Variants in TMEM132E observed in about 807,000 individuals in gnomAD.
TMEM132E encodes transmembrane protein 132E.
TMEM132E carries 49 observed loss-of-function variants against 78.5 expected under a neutral mutation model. The observed-to-expected ratio is 0.62, with a 90% confidence interval of 0.50 to 0.79. The LOEUF is 0.79. Among genes scored for constraint, TMEM132E ranks in the 30% least tolerant of loss-of-function variants. The probability of loss-of-function intolerance (pLI) is 0.00; values close to 1 mark genes in which losing one functional copy is unlikely to be tolerated. For missense variants in TMEM132E, 1,403 were observed against 1,470.9 expected, an observed-to-expected ratio of 0.95 and a Z score of 0.75; for synonymous variants, 715 against 670.6, an observed-to-expected ratio of 1.07 and a Z score of -1.02.
At chr17:34,596,926 C>T (rs543269312) in intron 1 of TMEM132E, among the ~76,000 whole-genome samples, 3 of 151,684 alleles carry the variant, frequency 2.0e-5, no homozygotes, top group Admixed American at 6.6e-5. Context: ...ACCGGAATCT[C>T]GATGGCTCTC....
intron 1 of TMEM132E, among the ~76,000 whole-genome samples, chr17:34,607,613 C>A (rs1399379647): frequency 2.0e-5 from 3 of 152,222 alleles, no homozygotes; most frequent in Admixed American, 6.5e-5. Flanking sequence ...CACAAGACTG[C>A]TACCCATTTC....
intron 1 of TMEM132E, among the ~76,000 whole-genome samples, chr17:34,613,217 G>GCGCGCA (rs1906666136): frequency 2.9e-5 from 4 of 136,894 alleles, no homozygotes; most frequent in East Asian, 2.2e-4. Context: ...ACACACGCGC[G>GCGCGCA]CGCGCGCGCG....
At chr17:34,594,454 A>G (rs780592459) in intron 1 of TMEM132E, among the ~76,000 whole-genome samples, 12 of 152,196 alleles carry the variant, frequency 7.9e-5, no homozygotes, top group Non-Finnish European at 1.5e-4. Flanking sequence ...CTCCGTTTCC[A>G]CGTTTATAAA....
At chr17:34,612,481 T>G (rs1446036726) in intron 1 of TMEM132E, among the ~76,000 whole-genome samples, 1 of 152,094 alleles carries the variant, frequency 6.6e-6, no homozygotes, top group Non-Finnish European at 1.5e-5. Flanking sequence ...CACTCAGAGG[T>G]AGGAGTGTGA....
chr17:34,581,050 C>T lies in TMEM132E; in HGVS notation c.-27C>T. ...AAGTCGTCGTCGACTGTTGCTCTCT[C>T]GGACCCCTCCCGCCCCCGCCTCGGC... On this transcript the variant is annotated 5_prime_UTR_variant, in exon 1 of 9. Coordinates refer to ENST00000631683, the MANE Select transcript of TMEM132E (RefSeq NM_001304438.2). 1 of 1,534,098 alleles carries T rather than the reference C, an allele frequency of 6.5e-7. No individual in the cohort carries two copies. Among genetic ancestry groups the T allele is most frequent in the Non-Finnish European group, 8.7e-7 (1 of 1,145,920 alleles).
chr17:34,613,195 ACC>A (rs1188311784), intron 1 of TMEM132E, among the ~76,000 whole-genome samples: 7,188 of 114,664 alleles, frequency 0.063, 278 homozygotes, highest in East Asian at 0.11. Context: ...ACACACACAC[ACC>A]CACACACACA....
At position 34,637,290 on chromosome 17, in the gene TMEM132E, C is replaced by T; in HGVS notation, c.2283C>T (p.Ala761=). 4 of 1,614,164 alleles carry T rather than the reference C, an allele frequency of 2.5e-6. No individual in the cohort carries two copies. Among genetic ancestry groups the T allele is most frequent in the South Asian group, 1.1e-5 (1 of 91,082 alleles). Residue 761 remains alanine (A), a synonymous_variant, in exon 9 of 9, where the codon GCC becomes GCT. Coordinates refer to ENST00000631683, the MANE Select transcript of TMEM132E (RefSeq NM_001304438.2). ...TGAGCAGCCTGGATGAGCATGTGGC[C>T]ACTGTGACCCAGGACCGGGCCTTCC... ...LLVSSLDEHV[A]TVTQDRAFPL...
chr17:34,630,489 G>T (rs1907317669), intron 5 of TMEM132E, among the ~76,000 whole-genome samples: 1 of 152,182 alleles, frequency 6.6e-6, no homozygotes, highest in South Asian at 2.1e-4. Context: ...TCAGGCCAGA[G>T]GGGGAGAAAG....
At chr17:34,614,746 G>A (rs1246651375) in intron 1 of TMEM132E, 1 of 152,404 alleles carries the variant, frequency 6.6e-6, no homozygotes, top group African/African-American at 2.4e-5. Flanking sequence ...CTTGCCTTGG[G>A]ACCCCTCCAG....
chr17:34,592,185 C>T (rs1201042661), intron 1 of TMEM132E, among the ~76,000 whole-genome samples: 1 of 152,154 alleles, frequency 6.6e-6, no homozygotes, highest in South Asian at 2.1e-4. Flanking sequence ...CAGCAGTGGC[C>T]AGCTGCTGGC....
At chr17:34,610,489 G>A (rs1306624896) in intron 1 of TMEM132E, among the ~76,000 whole-genome samples, 1 of 152,214 alleles carries the variant, frequency 6.6e-6, no homozygotes, top group Non-Finnish European at 1.5e-5. Flanking sequence ...AATGACAGAT[G>A]TGAGCAGACC....
intron 1 of TMEM132E, among the ~76,000 whole-genome samples, chr17:34,605,279 C>G (rs550579519): frequency 5.3e-5 from 8 of 152,282 alleles, no homozygotes; most frequent in African/African-American, 1.7e-4. Flanking sequence ...CGGAACCATG[C>G]GGTGCTTCAA....
chr17:34,583,424 G>T (rs1025362422), intron 1 of TMEM132E, among the ~76,000 whole-genome samples: 8 of 152,230 alleles, frequency 5.3e-5, no homozygotes, highest in Non-Finnish European at 2.9e-5. Context: ...GATGGGTAAG[G>T]CCAGTATGAT....
At chr17:34,605,600 C>A in intron 1 of TMEM132E, among the ~76,000 whole-genome samples, 1 of 152,182 alleles carries the variant, frequency 6.6e-6, no homozygotes, top group East Asian at 1.9e-4. Flanking sequence ...TCAAAGCCCC[C>A]CACCATCAGC....
At chr17:34,594,603 T>C (rs1412856619) in intron 1 of TMEM132E, among the ~76,000 whole-genome samples, 1 of 151,890 alleles carries the variant, frequency 6.6e-6, no homozygotes, top group African/African-American at 2.4e-5. Flanking sequence ...CAGCACATGT[T>C]TTTTTGTTTG....
intron 1 of TMEM132E, among the ~76,000 whole-genome samples, chr17:34,602,478 C>T (rs1392719328): frequency 6.6e-6 from 1 of 152,184 alleles, no homozygotes; most frequent in African/African-American, 2.4e-5. Flanking sequence ...CTGACAGGGG[C>T]CAGGGTGGAG....
chr17:34,589,035 A>G (rs893501863), intron 1 of TMEM132E, among the ~76,000 whole-genome samples: 5 of 152,134 alleles, frequency 3.3e-5, no homozygotes, highest in African/African-American at 1.2e-4. Context: ...ATTACAGGCA[A>G]GTGCTATTTA....
At chr17:34,612,119 G>T (rs759138008) in intron 1 of TMEM132E, among the ~76,000 whole-genome samples, 1 of 152,020 alleles carries the variant, frequency 6.6e-6, no homozygotes, top group Admixed American at 6.5e-5. Flanking sequence ...TACTCTCAAC[G>T]CACACACACC....
chr17:34,613,610 C>G (rs1906686142), intron 1 of TMEM132E, among the ~76,000 whole-genome samples: 1 of 152,042 alleles, frequency 6.6e-6, no homozygotes, highest in Non-Finnish European at 1.5e-5. Flanking sequence ...TCCCCTCTTT[C>G]TCCGCCTCCC....
Sources: allele counts gnomAD v4.1 joint callset (sites outside exome capture counted in the v4.1 genomes callset), GRCh38; gene constraint gnomAD v4.1.1; transcripts MANE v1.5; gene names NCBI Gene and HGNC (gene_info 2026-07-23, HGNC 2026-07-21).